The following ULK4 variants were observed in gnomAD, a reference collection of about 807,000 sequenced individuals.
The protein encoded by ULK4 is inactive serine/threonine-protein kinase ULK4.
A neutral mutation model predicts 160.6 loss-of-function variants in ULK4; 133 were observed. The observed-to-expected ratio is 0.83, with a 90% CI of 0.72 to 0.96. The LOEUF (loss-of-function observed/expected upper bound fraction) is 0.96. Among genes scored for constraint, ULK4 ranks in the 40% least tolerant of loss-of-function variants. The pLI is 0.00. For missense variants in ULK4, 1,580 were observed against 1,499.5 expected (o/e 1.05, Z -0.89); for synonymous variants, 534 against 539.8 (o/e 0.99, Z 0.15).
chr3:41,683,983 C>T (rs1425348894), intron 27 of ULK4, among the ~76,000 whole-genome samples: 6 of 152,310 alleles, frequency 3.9e-5, no homozygotes, highest in African/African-American at 1.4e-4. Flanking sequence ...GCGTCACTCA[C>T]GTCCTGATCC....
chr3:41,960,767 A>G (rs1234860722), intron 1 of ULK4, among the ~76,000 whole-genome samples: 1 of 152,156 alleles, frequency 6.6e-6, no homozygotes, highest in Non-Finnish European at 1.5e-5. Flanking sequence ...CCTAATATTC[A>G]TTTTTAAAGC....
chr3:41,765,780 GA>G (rs1227120568), intron 21 of ULK4, among the ~76,000 whole-genome samples: 4 of 151,970 alleles, frequency 2.6e-5, no homozygotes, highest in African/African-American at 9.7e-5. Context: ...TATTATCTTG[GA>G]AAATGTATTA....
At chr3:41,650,397 G>T (rs1439153562) in intron 30 of ULK4, among the ~76,000 whole-genome samples, 3 of 152,206 alleles carry the variant, frequency 2.0e-5, no homozygotes, top group Non-Finnish European at 4.4e-5. Context: ...TCCTGAGCCA[G>T]GGCTGTGATA....
chr3:41,852,659 G>A (rs980742177), intron 17 of ULK4, among the ~76,000 whole-genome samples: 1 of 152,094 alleles, frequency 6.6e-6, no homozygotes, highest in Non-Finnish European at 1.5e-5. Context: ...GAACAACAGA[G>A]AACAAATAGA....
intron 29 of ULK4, among the ~76,000 whole-genome samples, chr3:41,680,104 C>T (rs2035871853): frequency 1.3e-5 from 2 of 152,112 alleles, no homozygotes; most frequent in Non-Finnish European, 2.9e-5. Context: ...TATATGAATA[C>T]TTTTAGAAGC....
chr3:41,286,077 G>A lies in ULK4; in HGVS notation c.3679-36503C>T, dbSNP rs144799656. On this transcript the variant is annotated intron_variant, in intron 35 of 36. Transcript: ENST00000301831. ...CTTAAAGCTTTCCTCAATATCTAGA[G>A]AAAGAATATCTTTTGGGGACCTCAT... 2.9e-3 allele frequency among the ~76,000 whole-genome samples: 440 copies of A among 152,262 alleles called. 2 individuals carry two copies. The highest frequency in any genetic ancestry group is 4.1e-3 in the Non-Finnish European group (280 of 68,026).
At chr3:41,898,383 A>T (rs1449511454) in intron 14 of ULK4, 49 bp downstream of exon 14, 3 of 1,097,248 alleles carry the variant, frequency 2.7e-6, no homozygotes, top group Non-Finnish European at 3.9e-6. Context: ...TCATATTTGT[A>T]TCTGTATACA....
intron 35 of ULK4, among the ~76,000 whole-genome samples, chr3:41,334,693 A>G (rs2080517428): frequency 6.6e-6 from 1 of 152,238 alleles, no homozygotes; most frequent in Non-Finnish European, 1.5e-5. Context: ...ATTAAAACAA[A>G]GAGTTCTAGG....
intron 30 of ULK4, among the ~76,000 whole-genome samples, chr3:41,628,663 C>T (rs1239430210): frequency 6.6e-6 from 1 of 152,106 alleles, no homozygotes; most frequent in Non-Finnish European, 1.5e-5. Flanking sequence ...AAATCCTGAA[C>T]CAGAAAAAGT....
At chr3:41,863,410 A>C (rs28845302) in intron 17 of ULK4, among the ~76,000 whole-genome samples, 2 of 151,472 alleles carry the variant, frequency 1.3e-5, no homozygotes, top group African/African-American at 2.4e-5. Context: ...GAAATCAGAG[A>C]TCCCAAGAGC....
chr3:41,315,208 T>C (rs2080123751), intron 35 of ULK4, among the ~76,000 whole-genome samples: 1 of 152,168 alleles, frequency 6.6e-6, no homozygotes, highest in Non-Finnish European at 1.5e-5. Context: ...ATATATTATT[T>C]TGGATGAAGT....
intron 12 of ULK4, among the ~76,000 whole-genome samples, chr3:41,907,480 A>G (rs946754538): frequency 6.6e-5 from 10 of 151,594 alleles, no homozygotes; most frequent in African/African-American, 2.4e-4. Flanking sequence ...TTTATTTTTT[A>G]TGAGGACAGG....
At chr3:41,810,819 T>C (rs1300451346) in intron 19 of ULK4, among the ~76,000 whole-genome samples, 1 of 152,154 alleles carries the variant, frequency 6.6e-6, no homozygotes, top group Non-Finnish European at 1.5e-5. Context: ...GCTTATTTCC[T>C]TTTTTTCCCT....
At chr3:41,795,216 C>T (rs2125598391) in intron 20 of ULK4, among the ~76,000 whole-genome samples, 1 of 152,294 alleles carries the variant, frequency 6.6e-6, no homozygotes. Context: ...TTCCTATAAC[C>T]TCAGTCTTTA....
intron 12 of ULK4, among the ~76,000 whole-genome samples, chr3:41,905,475 A>C (rs1698519920): frequency 6.6e-6 from 1 of 152,166 alleles, no homozygotes; most frequent in Non-Finnish European, 1.5e-5. Flanking sequence ...CAAAAAACAC[A>C]AACGAAAAAA....
Position 41,839,257 on chromosome 3 carries a change from T to G in ULK4, c.1657-3286A>C, listed in dbSNP as rs538790481. ...CAGGAGGCCAAGGCAGGAGAATCAC[T>G]TGAACCTGGGAGGTGGAGGTTAGAG... On this transcript the variant is annotated intron_variant, in intron 17 of 36. Coordinates refer to ENST00000301831, the MANE Select transcript of ULK4 (RefSeq NM_017886.4). Among the ~76,000 whole-genome samples, 3 of 151,998 alleles carry G rather than the reference T, an allele frequency of 2.0e-5. No individual in the cohort carries two copies. The South Asian group carries it at 6.2e-4, about 32-fold the overall frequency.
rs778945414 is a variant in ULK4 at position 41,911,340 on chromosome 3, C to T, written c.1062G>A (p.Leu354=). ...ACCTGAGAAGAAACATGGATTCATT[C>T]AATTGACCCTCAAGAGTACTCTTAG... ...FRPKSTLEGQ[L]NESMFLLSSR... is the part of the protein sequence containing the mutation. The change falls in exon 11 of 37, where the codon TTG becomes TTA. Residue 354 remains leucine, a synonymous_variant. Coordinates refer to ENST00000301831, the MANE Select transcript of ULK4 (RefSeq NM_017886.4). 7.4e-6 allele frequency: 12 copies of T among 1,613,926 alleles called. No individual in the cohort carries two copies. The Admixed American group carries it at 1.3e-4, about 18-fold the overall frequency.
At position 41,705,118 on chromosome 3, in the gene ULK4, G is replaced by A. The variant is rs1307112636; in HGVS notation, c.2720C>T (p.Thr907Ile). ...LTASEEFIKITLSAFEAIIQY... is the reference protein window; with the variant it reads ...LTASEEFIKIILSAFEAIIQY... ...TATTATTGCTTCAAAAGCTGACAAT[G>A]TGATCTTGATAAATTCTTCTGATGC... Residue 907 changes from threonine to isoleucine, a missense_variant, in exon 27 of 37, where the codon ACA becomes ATA. By Grantham distance (89) the Thr-to-Ile change is moderately conservative. Transcript: ENST00000301831. 13 of 1,613,926 alleles carry A rather than the reference G, an allele frequency of 8.1e-6. No individual in the cohort carries two copies. The highest frequency in any genetic ancestry group is 1.0e-5 in the Non-Finnish European group (12 of 1,179,918).
In ULK4 at chr3:41,256,622, A is replaced by G. The variant is rs538974823; in HGVS notation, c.3679-7048T>C. ...ATGGATCTAAATGTAAAATGTAAAAACTATATAACTTCTAGAAGAAAATAT... is the reference window on the plus strand; with the variant it reads ...ATGGATCTAAATGTAAAATGTAAAAGCTATATAACTTCTAGAAGAAAATAT... On this transcript the variant is annotated intron_variant, in intron 35 of 36. Coordinates refer to ENST00000301831, the MANE Select transcript of ULK4 (RefSeq NM_017886.4). Among the ~76,000 whole-genome samples, 42 of 152,340 alleles carry G rather than the reference A, an allele frequency of 2.8e-4. No individual in the cohort carries two copies. The South Asian group carries it at 8.7e-3, about 32-fold the overall frequency.
Sources: gnomAD v4.1 joint callset for allele counts (sites outside exome capture counted in the v4.1 genomes callset) on GRCh38, gnomAD v4.1.1 for gene constraint, MANE v1.5 for transcripts, NCBI Gene and HGNC (gene_info 2026-07-23, HGNC 2026-07-21) for gene names.